ZSWIM7: variants seen among roughly 807,000 people sequenced by gnomAD.
The protein encoded by ZSWIM7 is zinc finger SWIM domain-containing protein 7.
In ZSWIM7, 22 loss-of-function variants were observed where a neutral mutation model predicts 21.1. That is an observed-to-expected ratio of 1.04 (90% CI 0.74 to 1.49). ZSWIM7 has a LOEUF of 1.49. ZSWIM7 is among the 40% of genes most tolerant of loss of function. The pLI is 0.00. For synonymous variants in ZSWIM7, 67 were observed against 66.5 expected (o/e 1.01, Z -0.04); for missense variants, 193 against 168.0 (o/e 1.15, Z -0.82).
chr17:15,983,407 C>T (rs1380697764), intron 3 of ZSWIM7, among the ~76,000 whole-genome samples: 8 of 140,310 alleles, frequency 5.7e-5, no homozygotes, highest in Non-Finnish European at 1.2e-4. Flanking sequence ...TGAAAAAGCA[C>T]ACCTTGCATA....
intron 3 of ZSWIM7, among the ~76,000 whole-genome samples, chr17:15,981,641 C>T (rs1425977977): frequency 6.6e-6 from 1 of 152,034 alleles, no homozygotes; most frequent in Non-Finnish European, 1.5e-5. Context: ...GGTGTGGTGG[C>T]TCAAAGCCTG....
At chr17:15,983,344 C>CAAAAAAAAAAAAAAAAAAA (rs58918337) in intron 3 of ZSWIM7, among the ~76,000 whole-genome samples, 1 of 44,604 alleles carries the variant, frequency 2.2e-5, no homozygotes, top group African/African-American at 7.9e-5. Context: ...GACTCTGTCT[C>CAAAAAAAAAAAAAAAAAAA]AAAAAAAAAA....
intron 3 of ZSWIM7, among the ~76,000 whole-genome samples, chr17:15,984,603 T>A (rs1319015455): frequency 6.6e-6 from 1 of 152,194 alleles, no homozygotes; most frequent in Non-Finnish European, 1.5e-5. Context: ...TTATGACCGC[T>A]CCAAGCCTCT....
Position 15,999,658 on chromosome 17 carries a change from A to C in ZSWIM7, c.-64T>G. On this transcript the variant is annotated 5_prime_UTR_variant, in exon 1 of 5. Coordinates refer to ENST00000399277, the MANE Select transcript of ZSWIM7 (RefSeq NM_001042697.2). The stretch of plus-strand genomic sequence containing the variant: ...CGCGACGCTCCAGCTGACTGCGCCT[A>C]CCTGTGGAGGATCCTGACCCCCCGC... 4 of 1,563,360 alleles carry C rather than the reference A, an allele frequency of 2.6e-6. No individual in the cohort carries two copies. The highest frequency in any genetic ancestry group is 2.6e-6 in the Non-Finnish European group (3 of 1,155,032).
In ZSWIM7 at chr17:15,981,029, C is replaced by T. The variant is rs1166466062; in HGVS notation, c.306+11G>A. On this transcript the variant is annotated intron_variant, in intron 4 of 4. Coordinates refer to ENST00000399277, the MANE Select transcript of ZSWIM7 (RefSeq NM_001042697.2). The stretch of plus-strand genomic sequence containing the variant: ...TTCAACTACAGTGGGAAGAGTCTTC[C>T]CCATCCTCACCAGGATGCTGTCACT... The T allele has an allele frequency of 1.2e-6, 2 of 1,601,384 alleles. No individual in the cohort carries two copies. Among genetic ancestry groups the T allele is most frequent in the South Asian group, 2.2e-5 (2 of 90,568 alleles).
intron 4 of ZSWIM7, among the ~76,000 whole-genome samples, chr17:15,979,161 G>C (rs1247882890): frequency 1.3e-5 from 2 of 151,416 alleles, no homozygotes; most frequent in African/African-American, 4.9e-5. Flanking sequence ...GTGTCCCTGG[G>C]TACTTGAGAT....
chr17:15,982,933 A>G (rs927477947), intron 3 of ZSWIM7, among the ~76,000 whole-genome samples: 4 of 152,172 alleles, frequency 2.6e-5, no homozygotes, highest in African/African-American at 9.7e-5. Context: ...GATTACAGGC[A>G]TGAGCTACCA....
Position 15,997,620 on chromosome 17 carries a change from G to A in ZSWIM7, c.76+1899C>T, listed in dbSNP as rs553914793. 3.3e-5 allele frequency among the ~76,000 whole-genome samples: 5 copies of A among 152,260 alleles called. No homozygotes were observed. The South Asian group carries it at 6.2e-4, about 19-fold the overall frequency. ...AAAAAATTACCACTGAAGAATGGGG[G>A]TTAGGAAGGGTGCATAACTATATAT... On this transcript the variant is annotated intron_variant, in intron 1 of 4. Transcript: ENST00000399277.
intron 4 of ZSWIM7, 73 bp downstream of exon 4, chr17:15,980,967 T>G (rs886957841): frequency 1.8e-6 from 2 of 1,093,120 alleles, no homozygotes; most frequent in Admixed American, 2.4e-5. Flanking sequence ...TTTTGTAGAA[T>G]AGTTAAACCA....
chr17:15,985,604 T>G (rs534478180), intron 3 of ZSWIM7, among the ~76,000 whole-genome samples: 2 of 152,304 alleles, frequency 1.3e-5, no homozygotes, highest in South Asian at 4.1e-4. Context: ...AAGTCCAAGA[T>G]GACAGCCACA....
intron 2 of ZSWIM7, among the ~76,000 whole-genome samples, chr17:15,990,219 CA>C (rs71299859): frequency 0.049 from 3,692 of 76,062 alleles, 101 homozygotes; most frequent in African/African-American, 0.16. Context: ...AACTCTGTCT[CA>C]AAAAAAAAAA....
chr17:15,984,484 G>A (rs548733112), intron 3 of ZSWIM7, among the ~76,000 whole-genome samples: 1 of 152,300 alleles, frequency 6.6e-6, no homozygotes, highest in African/African-American at 2.4e-5. Flanking sequence ...GAACTTGTAG[G>A]AACCTCACTT....
intron 1 of ZSWIM7, 92 bp downstream of exon 1, chr17:15,999,427 C>T (rs763713624): frequency 6.7e-7 from 1 of 1,486,280 alleles, no homozygotes; most frequent in Non-Finnish European, 9.1e-7. Context: ...AGGGCCAGGC[C>T]CGGACACCCC....
chr17:15,996,773 C>T (rs1970560288), intron 1 of ZSWIM7, among the ~76,000 whole-genome samples: 1 of 151,728 alleles, frequency 6.6e-6, no homozygotes, highest in Non-Finnish European at 1.5e-5. Flanking sequence ...ATCTCTTGAG[C>T]CTGGGAGGTT....
In ZSWIM7 at chr17:15,987,334, C is replaced by T; in HGVS notation, c.133G>A (p.Ala45Thr). 6.2e-7 allele frequency: 1 copy of T among 1,613,458 alleles called. No individual in the cohort carries two copies. The highest frequency in any genetic ancestry group is 8.5e-7 in the Non-Finnish European group (1 of 1,179,772). ...GACTGTCGATCAACTAGGTCCAAGGCCTGGGTGGCTGATGAGCCAAAGAGA... is the reference window on the plus strand; with the variant it reads ...GACTGTCGATCAACTAGGTCCAAGGTCTGGGTGGCTGATGAGCCAAAGAGA... ...KFLFGSSATQ[A>T]LDLVDRQSIT... The change falls in exon 3 of 5, where the codon GCC becomes ACC. Residue 45 changes from alanine to threonine, a missense_variant. Transcript: ENST00000399277.
At chr17:15,993,897 T>G (rs772262018) in intron 1 of ZSWIM7, 119 bp from the exon 2 acceptor site, 8 of 694,030 alleles carry the variant, frequency 1.2e-5, no homozygotes, top group African/African-American at 1.1e-4. Flanking sequence ...ACTGAACCTA[T>G]GCATCTGGTT....
At chr17:15,979,393 C>T (rs1039067022) in intron 4 of ZSWIM7, among the ~76,000 whole-genome samples, 9 of 152,336 alleles carry the variant, frequency 5.9e-5, no homozygotes, top group Admixed American at 2.0e-4. Context: ...TACTTCTTTC[C>T]ACACAGACAC....
At chr17:15,988,678 C>A (rs1228147570) in intron 2 of ZSWIM7, among the ~76,000 whole-genome samples, 21 of 151,648 alleles carry the variant, frequency 1.4e-4, no homozygotes, top group Admixed American at 1.4e-3. Context: ...AAAACTAAAA[C>A]ACACAAAAAA....
rs1435175403 is a variant in ZSWIM7 at position 15,976,968 on chromosome 17, A to G, written c.*1079T>C. The G allele has an allele frequency of 6.6e-6, 1 of 151,728 alleles. No individual in the cohort carries two copies. The highest frequency in any genetic ancestry group is 1.5e-5 in the Non-Finnish European group (1 of 67,940). The allele number at this position is 151,728 out of a possible 1,614,324, so 9.4% of individuals were successfully genotyped here. On this transcript the variant is annotated 3_prime_UTR_variant, in exon 5 of 5. Transcript: ENST00000399277. ...CTCTCTCGGTGTCCAACTGAGTCTC[A>G]TCGCTCTCCCTTCTAATACTCCTTC...
Sources: gnomAD v4.1 joint callset for allele counts (sites outside exome capture counted in the v4.1 genomes callset) on GRCh38, gnomAD v4.1.1 for gene constraint, MANE v1.5 for transcripts, NCBI Gene and HGNC (gene_info 2026-07-23, HGNC 2026-07-21) for gene names.